DCC: variants seen among roughly 807,000 people sequenced by gnomAD.
DCC encodes DCC netrin 1 receptor.
A neutral mutation model predicts 172.5 loss-of-function variants in DCC; 58 were observed. The observed-to-expected ratio is 0.34, with a 90% CI of 0.27 to 0.42. The LOEUF is 0.42. DCC is among the 10% of genes least tolerant of loss of function. DCC has a pLI of 1.00. For missense variants in DCC, 1,740 were observed against 1,791.0 expected, an observed-to-expected ratio of 0.97 and a Z score of 0.51; for synonymous variants, 709 against 644.5, an observed-to-expected ratio of 1.10 and a Z score of -1.52.
At chr18:52,380,067 G>A (rs565287565) in intron 1 of DCC, among the ~76,000 whole-genome samples, 28 of 152,086 alleles carry the variant, frequency 1.8e-4, no homozygotes, top group East Asian at 1.8e-3. Flanking sequence ...GAGGAATATC[G>A]TTTCCACACA....
chr18:53,434,565 T>C (rs1911820228), intron 21 of DCC, among the ~76,000 whole-genome samples: 1 of 152,222 alleles, frequency 6.6e-6, no homozygotes, highest in Admixed American at 6.5e-5. Flanking sequence ...CTTCCCTTTA[T>C]GGTGTATTTG....
chr18:52,906,441 G>C, intron 3 of DCC, 113 bp downstream of exon 3: 2 of 1,117,404 alleles, frequency 1.8e-6, no homozygotes, highest in South Asian at 2.7e-5. Context: ...ATTGTTCATT[G>C]CGTTTTGTTT....
intron 22 of DCC, among the ~76,000 whole-genome samples, chr18:53,439,527 A>G (rs1418872051): frequency 6.6e-6 from 1 of 152,202 alleles, no homozygotes; most frequent in South Asian, 2.1e-4. Context: ...GCTTACTGTC[A>G]GGATACTCAA....
chr18:53,347,341 A>G (rs1409160159), intron 15 of DCC, among the ~76,000 whole-genome samples: 1 of 152,032 alleles, frequency 6.6e-6, no homozygotes, highest in Non-Finnish European at 1.5e-5. Flanking sequence ...TATAGTTGGG[A>G]TTTTGGTTTT....
At chr18:52,649,364 T>A (rs1409730241) in intron 1 of DCC, among the ~76,000 whole-genome samples, 1 of 103,988 alleles carries the variant, frequency 9.6e-6, no homozygotes, top group Non-Finnish European at 2.0e-5. Context: ...CAGAGTGAGA[T>A]TCCGTATCAA....
At chr18:52,754,855 G>T (rs62081903) in intron 2 of DCC, among the ~76,000 whole-genome samples, 14,701 of 152,172 alleles carry the variant, frequency 0.097, 910 homozygotes, top group Middle Eastern at 0.2. Context: ...AGTGTCCCTG[G>T]TCTGCTTTAG....
intron 5 of DCC, among the ~76,000 whole-genome samples, chr18:53,036,562 A>G (rs900151130): frequency 6.6e-6 from 1 of 152,064 alleles, no homozygotes; most frequent in African/African-American, 2.4e-5. Flanking sequence ...GTTTTGGAAC[A>G]TGTGTGTCTC....
At chr18:53,314,730 T>C (rs1403034884) in intron 13 of DCC, among the ~76,000 whole-genome samples, 4 of 152,174 alleles carry the variant, frequency 2.6e-5, no homozygotes, top group Admixed American at 2.6e-4. Flanking sequence ...TGAAGGTGTT[T>C]TAAGGATAAA....
At chr18:53,207,462 A>T (rs2055671348) in intron 10 of DCC, among the ~76,000 whole-genome samples, 1 of 152,192 alleles carries the variant, frequency 6.6e-6, no homozygotes. Flanking sequence ...GAACTTAATG[A>T]CTGTAAAAAT....
At chr18:53,277,877 A>G (rs950502399) in intron 12 of DCC, among the ~76,000 whole-genome samples, 2 of 152,122 alleles carry the variant, frequency 1.3e-5, no homozygotes, top group Non-Finnish European at 2.9e-5. Context: ...TGCTGCCGAA[A>G]CATTTCCATG....
chr18:53,459,584 TA>T (rs2045526488), intron 24 of DCC, 126 bp downstream of exon 24: 1 of 711,456 alleles, frequency 1.4e-6, no homozygotes, highest in Admixed American at 2.0e-5. Flanking sequence ...TATCAATAGT[TA>T]AATGGATCTA....
chr18:53,048,523 G>A (rs2042290145), intron 5 of DCC, among the ~76,000 whole-genome samples: 1 of 136,600 alleles, frequency 7.3e-6, no homozygotes, highest in Non-Finnish European at 1.6e-5. Context: ...GTGTGTGTGT[G>A]TGTATACATA....
chr18:53,429,263 G>GACAACTTTTTTCACCTATCATTTTGCCA (rs1319248002), intron 21 of DCC, among the ~76,000 whole-genome samples: 1 of 146,560 alleles, frequency 6.8e-6, no homozygotes. Context: ...TTTAGAAGAT[G>GACAACTTTTTTCACCTATCATTTTGCCA]GTCTCTGCAA....
intron 1 of DCC, among the ~76,000 whole-genome samples, chr18:52,725,129 C>G (rs2145083804): frequency 6.6e-6 from 1 of 152,242 alleles, no homozygotes; most frequent in Admixed American, 6.5e-5. Flanking sequence ...AAATACCTGC[C>G]CACAGAGGGC....
intron 5 of DCC, among the ~76,000 whole-genome samples, chr18:52,989,504 C>T (rs994565387): frequency 2.0e-4 from 30 of 152,048 alleles, no homozygotes; most frequent in Non-Finnish European, 8.8e-5. Flanking sequence ...GCCTGGGCGA[C>T]AAGAGGGAGA....
At chr18:52,486,162 A>G (rs979201925) in intron 1 of DCC, among the ~76,000 whole-genome samples, 5 of 152,072 alleles carry the variant, frequency 3.3e-5, no homozygotes, top group African/African-American at 1.2e-4. Flanking sequence ...TCAAGATTAT[A>G]GATACAGTTT....
chr18:53,225,187 T>C (rs1167853780), intron 12 of DCC, among the ~76,000 whole-genome samples: 1 of 152,132 alleles, frequency 6.6e-6, no homozygotes, highest in African/African-American at 2.4e-5. Flanking sequence ...AGATATGACA[T>C]TCGAGAGAGA....
intron 13 of DCC, among the ~76,000 whole-genome samples, chr18:53,312,085 G>T (rs563993805): frequency 1.3e-5 from 2 of 150,592 alleles, no homozygotes; most frequent in African/African-American, 4.9e-5. Flanking sequence ...CGAGGCGGGC[G>T]GATCACGAGG....
chr18:52,599,487 C>T lies in DCC; in HGVS notation c.92-152567C>T, dbSNP rs552534552. Among the ~76,000 whole-genome samples the T allele has an allele frequency of 7.9e-5, 12 of 152,042 alleles. No homozygotes were observed. In the South Asian group the frequency reaches 2.5e-3, roughly 32 times the overall value. Reference sequence around the variant, plus strand: ...TAAATTTCACAGATTTTTCACATGTCAAGTAATATTATTCCTCTTTTGATT... The same window carrying T: ...TAAATTTCACAGATTTTTCACATGTTAAGTAATATTATTCCTCTTTTGATT... On this transcript the variant is annotated intron_variant, in intron 1 of 28. Coordinates refer to ENST00000442544, the MANE Select transcript of DCC (RefSeq NM_005215.4).
Sources: allele counts gnomAD v4.1 joint callset (sites outside exome capture counted in the v4.1 genomes callset), GRCh38; gene constraint gnomAD v4.1.1; transcripts MANE v1.5; gene names NCBI Gene and HGNC (gene_info 2026-07-23, HGNC 2026-07-21).